FAM135B: variants seen among roughly 807,000 people sequenced by gnomAD.
The protein encoded by FAM135B is protein FAM135B.
A neutral mutation model predicts 127.7 loss-of-function variants in FAM135B; 43 were observed. That is an observed-to-expected ratio of 0.34 (90% CI 0.26 to 0.43). The LOEUF is 0.43. Ranked by LOEUF, FAM135B falls within the 20% of genes least tolerant of loss-of-function variation. FAM135B has a pLI of 1.00. For synonymous variants in FAM135B, 670 were observed against 665.1 expected, an observed-to-expected ratio of 1.01 and a Z score of -0.11; for missense variants, 1,558 against 1,725.6, an observed-to-expected ratio of 0.90 and a Z score of 1.72.
intron 3 of FAM135B, among the ~76,000 whole-genome samples, chr8:138,302,410 G>T (rs1825954256): frequency 6.6e-6 from 1 of 152,098 alleles, no homozygotes; most frequent in Non-Finnish European, 1.5e-5. Flanking sequence ...TCATTGTACT[G>T]GGTGAAGTTT....
At chr8:138,452,641 CT>C (rs1487929178) in intron 1 of FAM135B, among the ~76,000 whole-genome samples, 1 of 152,160 alleles carries the variant, frequency 6.6e-6, no homozygotes. Context: ...ACAATAACCA[CT>C]TATGAGCTCA....
chr8:138,375,566 A>T (rs1831418040), intron 1 of FAM135B, among the ~76,000 whole-genome samples: 1 of 152,210 alleles, frequency 6.6e-6, no homozygotes, highest in Admixed American at 6.5e-5. Context: ...TTGACAACAG[A>T]TGTCAGACCC....
chr8:138,433,977 T>C (rs1224312535), intron 1 of FAM135B, among the ~76,000 whole-genome samples: 5 of 152,288 alleles, frequency 3.3e-5, no homozygotes, highest in East Asian at 3.9e-4. Context: ...CTTACGGAGA[T>C]GGGTTCTGGG....
intron 6 of FAM135B, among the ~76,000 whole-genome samples, chr8:138,244,375 G>C (rs1821122864): frequency 6.6e-6 from 1 of 152,120 alleles, no homozygotes; most frequent in Non-Finnish European, 1.5e-5. Flanking sequence ...CAGCCTCTCA[G>C]GGTTCAACTC....
intron 1 of FAM135B, among the ~76,000 whole-genome samples, chr8:138,421,529 C>T (rs1483813277): frequency 6.6e-6 from 1 of 151,952 alleles, no homozygotes; most frequent in East Asian, 1.9e-4. Flanking sequence ...AATGCAATCC[C>T]ATTCACAATA....
intron 1 of FAM135B, among the ~76,000 whole-genome samples, chr8:138,483,640 C>CTATAAATAGAGG (rs1814873904): frequency 6.6e-6 from 1 of 152,260 alleles, no homozygotes; most frequent in African/African-American, 2.4e-5. Flanking sequence ...GATGTACCAG[C>CTATAAATAGAGG]TCCCTCTTTG....
rs1345905791 is a variant in FAM135B, at chr8:138,176,006, A to ATAT, written c.1103+1340_1103+1341insATA. 2.0e-5 allele frequency among the ~76,000 whole-genome samples: 3 copies of ATAT among 152,198 alleles called. No individual in the cohort carries two copies. In the East Asian group the frequency reaches 5.8e-4, roughly 29 times the overall value. On this transcript the variant is annotated intron_variant, in intron 11 of 19. Transcript: ENST00000395297. ...ATTATGTCCTCACAATTGCTGTCTT[A>ATAT]CCCACTGTGTGGATAAGGAAGCTGA...
At chr8:138,452,116 C>G (rs942947224) in intron 1 of FAM135B, among the ~76,000 whole-genome samples, 3 of 150,382 alleles carry the variant, frequency 2.0e-5, no homozygotes, top group Non-Finnish European at 4.4e-5. Context: ...TTTCATCCAC[C>G]CAATCTGCTT....
chr8:138,206,418 C>T lies in FAM135B; in HGVS notation c.670-8749G>A, dbSNP rs1325855828. Among the ~76,000 whole-genome samples, 12 of 151,096 alleles carry T rather than the reference C, an allele frequency of 7.9e-5. No homozygotes were observed. The South Asian group carries it at 1.7e-3, about 21-fold the overall frequency. On this transcript the variant is annotated intron_variant, in intron 7 of 19. Coordinates refer to ENST00000395297, the MANE Select transcript of FAM135B (RefSeq NM_015912.4). Reference sequence around the variant, plus strand: ...CTACACACAGCTCTATCGTCCCCTCCACCTACACACAGCTCTATCATCCCC... The same window carrying T: ...CTACACACAGCTCTATCGTCCCCTCTACCTACACACAGCTCTATCATCCCC...
rs34292545 is a variant in FAM135B at position 138,300,744 on chromosome 8, C to CTTT, written c.157+10094_157+10096dup. On this transcript the variant is annotated intron_variant, in intron 3 of 19. Coordinates refer to ENST00000395297, the MANE Select transcript of FAM135B (RefSeq NM_015912.4). ...TTTTCTTCCCGTGCCATTTTATCCACTTTTTTTTTTTTTTTTTTTTTTTTA... is the reference window on the plus strand; with the variant it reads ...TTTTCTTCCCGTGCCATTTTATCCACTTTTTTTTTTTTTTTTTTTTTTTTTTTA... 3.5e-3 allele frequency among the ~76,000 whole-genome samples: 354 copies of CTTT among 100,454 alleles called. 2 individuals are homozygous for CTTT. Among genetic ancestry groups the CTTT allele is most frequent in the African/African-American group, 4.2e-3 (114 of 26,916 alleles). The allele number at this position is 100,454 out of a possible 152,430, so 65.9% of individuals were successfully genotyped here.
intron 9 of FAM135B, among the ~76,000 whole-genome samples, chr8:138,193,353 A>G (rs1282353765): frequency 1.3e-5 from 2 of 152,176 alleles, no homozygotes; most frequent in Non-Finnish European, 2.9e-5. Flanking sequence ...TGCTATGGTG[A>G]TCCCGGACTA....
At chr8:138,443,338 G>C (rs1255533747) in intron 1 of FAM135B, among the ~76,000 whole-genome samples, 1 of 151,668 alleles carries the variant, frequency 6.6e-6, no homozygotes, top group Non-Finnish European at 1.5e-5. Flanking sequence ...AGATCCTGTG[G>C]GTTCCAAAGA....
intron 7 of FAM135B, among the ~76,000 whole-genome samples, chr8:138,226,150 C>CGTGTGTGTGTGTGTGTGTGTGTGT (rs72185111): frequency 2.2e-5 from 3 of 133,566 alleles, no homozygotes; most frequent in African/African-American, 2.8e-5. Context: ...GGGGACCCAC[C>CGTGTGTGTGTGTGTGTGTGTGTGT]GTGTGTGTGT....
intron 1 of FAM135B, among the ~76,000 whole-genome samples, chr8:138,385,960 C>T (rs1390519787): frequency 6.6e-6 from 1 of 152,152 alleles, no homozygotes; most frequent in African/African-American, 2.4e-5. Flanking sequence ...GTGGCTCATG[C>T]CTGTAATTCC....
At chr8:138,281,141 A>C (rs1332662380) in intron 3 of FAM135B, among the ~76,000 whole-genome samples, 1 of 152,176 alleles carries the variant, frequency 6.6e-6, no homozygotes, top group East Asian at 1.9e-4. Context: ...CAGATTGCTC[A>C]AGTTGATTAA....
chr8:138,425,965 A>ATATATATG, intron 1 of FAM135B, among the ~76,000 whole-genome samples: 1 of 800 alleles, frequency 1.3e-3, no homozygotes. Context: ...CCAGGCCAAC[A>ATATATATG]TATATATATA....
At chr8:138,474,686 T>C (rs1230528071) in intron 1 of FAM135B, among the ~76,000 whole-genome samples, 1 of 152,198 alleles carries the variant, frequency 6.6e-6, no homozygotes, top group African/African-American at 2.4e-5. Context: ...AAGCAGCAAT[T>C]CTCTGCCTCC....
intron 9 of FAM135B, among the ~76,000 whole-genome samples, chr8:138,189,903 C>T (rs1815955008): frequency 6.6e-6 from 1 of 152,222 alleles, no homozygotes. Flanking sequence ...TGTTTTGAGA[C>T]ATGGCTAATC....
At chr8:138,157,980 C>G (rs10105561) in intron 12 of FAM135B, among the ~76,000 whole-genome samples, 2 of 151,996 alleles carry the variant, frequency 1.3e-5, no homozygotes, top group Non-Finnish European at 2.9e-5. Context: ...AAAAGGAGCC[C>G]GCATTGCCAA....
Sources: gnomAD v4.1 joint callset for allele counts (sites outside exome capture counted in the v4.1 genomes callset) on GRCh38, gnomAD v4.1.1 for gene constraint, MANE v1.5 for transcripts, NCBI Gene and HGNC (gene_info 2026-07-23, HGNC 2026-07-21) for gene names.